NCAM1: variants seen among roughly 807,000 people sequenced by gnomAD.
The protein encoded by NCAM1 is antigen recognized by monoclonal antibody 5.1H11.
NCAM1 carries 14 observed loss-of-function variants against 109.8 expected under a neutral mutation model. That is an observed-to-expected ratio of 0.13 (90% CI 0.08 to 0.20). The LOEUF is 0.20. Among genes scored for constraint, NCAM1 ranks in the 10% least tolerant of loss-of-function variants. The probability of loss-of-function intolerance (pLI) is 1.00; values close to 1 mark genes in which losing one functional copy is unlikely to be tolerated. For synonymous variants in NCAM1, 418 were observed against 442.9 expected (o/e 0.94, Z 0.70); for missense variants, 774 against 1,109.9 (o/e 0.70, Z 4.30).
intron 1 of NCAM1, among the ~76,000 whole-genome samples, chr11:113,076,449 A>G (rs1698278445): frequency 6.6e-6 from 1 of 152,200 alleles, no homozygotes; most frequent in Non-Finnish European, 1.5e-5. Context: ...TTCAGAGGGG[A>G]AAATAATATA....
intron 1 of NCAM1, chr11:113,133,437 C>T (rs1209688852): frequency 2.0e-5 from 3 of 152,108 alleles, no homozygotes; most frequent in Admixed American, 2.0e-4. Flanking sequence ...TGTTTCACAT[C>T]GCAACAAAAA....
At chr11:113,264,362 C>T in intron 17 of NCAM1, 3 of 985,440 alleles carry the variant, frequency 3.0e-6, no homozygotes, top group Non-Finnish European at 3.6e-6. Flanking sequence ...CATTAATCCC[C>T]AGCGCTCAGT....
At chr11:112,989,432 T>G (rs1555070248) in intron 1 of NCAM1, among the ~76,000 whole-genome samples, 1 of 152,238 alleles carries the variant, frequency 6.6e-6, no homozygotes, top group African/African-American at 2.4e-5. Flanking sequence ...TGTTGTATTC[T>G]TCAGCTCCAG....
chr11:113,008,848 G>A (rs1420332160), intron 1 of NCAM1, among the ~76,000 whole-genome samples: 2 of 152,168 alleles, frequency 1.3e-5, no homozygotes, highest in Non-Finnish European at 2.9e-5. Context: ...TCTGGCATTT[G>A]GTGATAGACA....
At chr11:113,220,899 G>A (rs1028479342) in intron 8 of NCAM1, among the ~76,000 whole-genome samples, 4 of 151,950 alleles carry the variant, frequency 2.6e-5, no homozygotes, top group South Asian at 2.1e-4. Flanking sequence ...ATGAGCAACC[G>A]CACCCGGCCA....
At chr11:113,156,171 C>G (rs1404835693) in intron 1 of NCAM1, among the ~76,000 whole-genome samples, 3 of 152,066 alleles carry the variant, frequency 2.0e-5, no homozygotes, top group South Asian at 4.2e-4. Context: ...GAAATGGAAA[C>G]AGAAGGACAA....
intron 1 of NCAM1, among the ~76,000 whole-genome samples, chr11:113,131,538 C>T (rs1555098306): frequency 6.6e-6 from 1 of 152,238 alleles, no homozygotes; most frequent in African/African-American, 2.4e-5. Flanking sequence ...GTGCGCCACC[C>T]TTGCAAGGGG....
At chr11:112,974,439 A>T (rs967047821) in intron 1 of NCAM1, among the ~76,000 whole-genome samples, 4 of 152,058 alleles carry the variant, frequency 2.6e-5, no homozygotes, top group Admixed American at 6.6e-5. Context: ...TCACACACTG[A>T]AAGACTGTGC....
intron 1 of NCAM1, among the ~76,000 whole-genome samples, chr11:113,020,315 T>C (rs1591254319): frequency 2.0e-5 from 3 of 152,150 alleles, no homozygotes; most frequent in African/African-American, 4.8e-5. Flanking sequence ...GGGTGCTGGG[T>C]TGATGGGTGG....
chr11:113,186,053 C>T (rs1943499858), intron 1 of NCAM1, among the ~76,000 whole-genome samples: 1 of 152,192 alleles, frequency 6.6e-6, no homozygotes. Flanking sequence ...GTTATTTCAG[C>T]AACTATCTTT....
chr11:113,048,719 C>T (rs1555081267), intron 1 of NCAM1, among the ~76,000 whole-genome samples: 1 of 152,214 alleles, frequency 6.6e-6, no homozygotes, highest in Admixed American at 6.5e-5. Flanking sequence ...CCAGCCCTGG[C>T]TTTGACACAT....
intron 9 of NCAM1, among the ~76,000 whole-genome samples, chr11:113,222,437 C>G (rs1311126883): frequency 6.6e-6 from 1 of 152,210 alleles, no homozygotes; most frequent in Non-Finnish European, 1.5e-5. Context: ...CTGCCATTGT[C>G]AAATTCAGTT....
At position 113,039,712 on chromosome 11, in the gene NCAM1, T is replaced by C. The variant is rs367874070; in HGVS notation, c.52+78048T>C. Among the ~76,000 whole-genome samples the C allele has an allele frequency of 6.6e-5, 10 of 152,320 alleles. 1 individual carries two copies. In the South Asian group the frequency reaches 2.1e-3, roughly 32 times the overall value. On this transcript the variant is annotated intron_variant, in intron 1 of 19. Coordinates refer to ENST00000316851, the MANE Select transcript of NCAM1 (RefSeq NM_181351.5). ...CTACTTCCCTCCAGGAGAAATAAAA[T>C]TAGAGCTTCATATGTATTTAAAAAT...
chr11:113,103,115 C>T, intron 1 of NCAM1, among the ~76,000 whole-genome samples: 1 of 152,176 alleles, frequency 6.6e-6, no homozygotes, highest in Non-Finnish European at 1.5e-5. Context: ...ATTAATGAAA[C>T]TTTGACATCA....
At position 113,242,255 on chromosome 11, in the gene NCAM1, T is replaced by C. The variant is rs571522459; in HGVS notation, c.1826-4113T>C. 2.6e-5 allele frequency among the ~76,000 whole-genome samples: 4 copies of C among 152,386 alleles called. No individual in the cohort carries two copies. The South Asian group carries it at 8.3e-4, about 32-fold the overall frequency. On this transcript the variant is annotated intron_variant, in intron 14 of 19. Coordinates refer to ENST00000316851, the MANE Select transcript of NCAM1 (RefSeq NM_181351.5). ...AAATGAGAGTTATGTTATCTCTTGC[T>C]GCATGAAAGTCATTTGTCAGCAAAA...
At chr11:113,128,240 G>A (rs1200969059) in intron 1 of NCAM1, among the ~76,000 whole-genome samples, 1 of 152,148 alleles carries the variant, frequency 6.6e-6, no homozygotes, top group Non-Finnish European at 1.5e-5. Context: ...GAACGGTTTG[G>A]GAGCAGGCAG....
intron 1 of NCAM1, among the ~76,000 whole-genome samples, chr11:113,027,962 A>T (rs1952601180): frequency 6.6e-6 from 1 of 152,192 alleles, no homozygotes; most frequent in Admixed American, 6.5e-5. Flanking sequence ...CAGCTACTTC[A>T]TGATTTCACT....
chr11:112,964,859 C>T (rs1353660850), intron 1 of NCAM1, among the ~76,000 whole-genome samples: 2 of 152,154 alleles, frequency 1.3e-5, no homozygotes, highest in Admixed American at 6.5e-5. Context: ...TTATTAAAAA[C>T]AGGGAATATA....
At chr11:113,224,220 G>T (rs551935547) in intron 9 of NCAM1, among the ~76,000 whole-genome samples, 7 of 152,162 alleles carry the variant, frequency 4.6e-5, no homozygotes, top group African/African-American at 1.7e-4. Context: ...TGAAAAATTG[G>T]GTCATTCCCA....
Sources: allele counts gnomAD v4.1 joint callset (sites outside exome capture counted in the v4.1 genomes callset), GRCh38; gene constraint gnomAD v4.1.1; transcripts MANE v1.5; gene names NCBI Gene and HGNC (gene_info 2026-07-23, HGNC 2026-07-21).